The following TRPC5 variants were observed in gnomAD, a reference collection of about 807,000 sequenced individuals.
The protein encoded by TRPC5 is short transient receptor potential channel 5.
In TRPC5, 9 loss-of-function variants were observed where a neutral mutation model predicts 56.5. The ratio of observed to expected loss-of-function variants is 0.16; its 90% CI spans 0.10 to 0.28. TRPC5 has a LOEUF of 0.28. Among genes scored for constraint, TRPC5 ranks in the 10% least tolerant of loss-of-function variants. The probability of loss-of-function intolerance (pLI) is 1.00; values close to 1 mark genes in which losing one functional copy is unlikely to be tolerated. For missense variants in TRPC5, 469 were observed against 748.9 expected, an observed-to-expected ratio of 0.63 and a Z score of 4.36; for synonymous variants, 282 against 278.5, an observed-to-expected ratio of 1.01 and a Z score of -0.13.
At chrX:111,912,166 G>C (rs1925838597) in intron 3 of TRPC5, 125 bp downstream of exon 3, 5 of 798,397 alleles carry the variant, frequency 6.3e-6, no homozygotes, top group Admixed American at 3.2e-5. Context: ...GGGCCTAGCT[G>C]TGAGGCCTGC....
chrX:111,840,157 G>A (rs1023999179), intron 6 of TRPC5, among the ~76,000 whole-genome samples: 3 of 112,201 alleles, frequency 2.7e-5, no homozygotes, highest in Non-Finnish European at 5.6e-5. Flanking sequence ...GTGACAGAGC[G>A]AGACTCCGTC....
chrX:111,973,438 G>A (rs936480379), intron 1 of TRPC5, among the ~76,000 whole-genome samples: 1 of 112,146 alleles, frequency 8.9e-6, no homozygotes, highest in African/African-American at 3.2e-5. Flanking sequence ...GGAATTCTGA[G>A]AATAATATTT....
rs1251036427 is a variant in TRPC5, at chrX:111,967,466, C to T, written c.-21-15025G>A. On this transcript the variant is annotated intron_variant, in intron 1 of 10. Transcript: ENST00000262839. Reference sequence around the variant, plus strand: ...GCTACCAATGACTTTCTTCACAGAACTGGAAAAAAACTACTTTAAAGTTCA... The same window carrying T: ...GCTACCAATGACTTTCTTCACAGAATTGGAAAAAAACTACTTTAAAGTTCA... Among the ~76,000 whole-genome samples, 6 of 111,501 alleles carry T rather than the reference C, an allele frequency of 5.4e-5. No homozygotes were observed. In the East Asian group the frequency reaches 8.4e-4, roughly 16 times the overall value.
chrX:112,006,646 T>C (rs113843061), intron 1 of TRPC5, among the ~76,000 whole-genome samples: 10,047 of 111,165 alleles, frequency 0.09, 732 homozygotes, highest in African/African-American at 0.25. Context: ...CATTCTGGAA[T>C]GAGTAGAATT....
At chrX:112,051,721 G>A (rs1602413443) in intron 1 of TRPC5, among the ~76,000 whole-genome samples, 2 of 112,141 alleles carry the variant, frequency 1.8e-5, no homozygotes, top group Middle Eastern at 9.3e-3. Context: ...TGTGCAATCA[G>A]TCTCTAGAAC....
intron 1 of TRPC5, among the ~76,000 whole-genome samples, chrX:112,048,316 G>A (rs1377868409): frequency 9.6e-6 from 1 of 104,439 alleles, no homozygotes; most frequent in Non-Finnish European, 1.9e-5. Flanking sequence ...CAGGAGAATC[G>A]CTTGAACCTG....
chrX:112,044,955 G>A (rs1022322579), intron 1 of TRPC5, among the ~76,000 whole-genome samples: 43 of 112,383 alleles, frequency 3.8e-4, no homozygotes, highest in African/African-American at 1.3e-3. Context: ...CTCACAGCAT[G>A]TAACTTCTTA....
At chrX:111,811,598 G>C (rs369242082) in intron 7 of TRPC5, among the ~76,000 whole-genome samples, 20 of 111,572 alleles carry the variant, frequency 1.8e-4, no homozygotes, top group South Asian at 3.8e-4. Flanking sequence ...GAGGTTTTGG[G>C]GGGGAGTCAA....
chrX:111,854,152 A>G (rs760809919), intron 3 of TRPC5, 46 bp from the exon 4 acceptor site: 4 of 1,127,533 alleles, frequency 3.5e-6, no homozygotes, highest in Non-Finnish European at 4.8e-6. Context: ...TGTCCAGGAG[A>G]AAGTCTACTG....
At chrX:112,077,263 C>A (rs1260227942) in intron 1 of TRPC5, among the ~76,000 whole-genome samples, 1 of 111,726 alleles carries the variant, frequency 9.0e-6, no homozygotes, top group East Asian at 2.8e-4. Flanking sequence ...ATCTCACTCC[C>A]TTTACATGAA....
intron 2 of TRPC5, among the ~76,000 whole-genome samples, chrX:111,922,167 T>G (rs1926143169): frequency 8.9e-6 from 1 of 111,884 alleles, no homozygotes; most frequent in African/African-American, 3.2e-5. Context: ...CTAATTGGAG[T>G]TTTTCTGAAC....
rs1208691039 is a variant in TRPC5 at position 111,783,673 on chromosome X, A to G, written c.1897-1535T>C. 2.1e-4 allele frequency among the ~76,000 whole-genome samples: 23 copies of G among 110,829 alleles called. No individual in the cohort carries two copies. The Admixed American group carries it at 2.2e-3, about 11-fold the overall frequency. The stretch of plus-strand genomic sequence containing the variant: ...TCTAGATACAATCCCTTTGTTAGAT[A>G]TATGGCTTGCAAATATTTTCTTCCA... On this transcript the variant is annotated intron_variant, in intron 7 of 10. Coordinates refer to ENST00000262839, the MANE Select transcript of TRPC5 (RefSeq NM_012471.3).
intron 2 of TRPC5, among the ~76,000 whole-genome samples, chrX:111,914,917 G>A (rs1250777046): frequency 1.8e-5 from 2 of 111,395 alleles, no homozygotes; most frequent in Non-Finnish European, 3.8e-5. Flanking sequence ...CCTTTCTCCA[G>A]GCAGAGGCAT....
At chrX:111,914,357 G>T (rs1925912331) in intron 2 of TRPC5, among the ~76,000 whole-genome samples, 1 of 111,370 alleles carries the variant, frequency 9.0e-6, no homozygotes, top group African/African-American at 3.3e-5. Context: ...TTAATCAATA[G>T]GTTCTTTTTA....
At chrX:111,932,909 C>G (rs1926458381) in intron 2 of TRPC5, among the ~76,000 whole-genome samples, 1 of 111,809 alleles carries the variant, frequency 8.9e-6, no homozygotes, top group Non-Finnish European at 1.9e-5. Flanking sequence ...ACTTTTCACT[C>G]CAGTACCCAC....
intron 1 of TRPC5, among the ~76,000 whole-genome samples, chrX:111,970,616 A>G: frequency 9.0e-6 from 1 of 111,720 alleles, no homozygotes; most frequent in African/African-American, 3.3e-5. Context: ...AAAATGAAAG[A>G]GAAAAACTTA....
chrX:111,950,830 TGAC>T (rs1429485375), intron 2 of TRPC5, among the ~76,000 whole-genome samples: 1 of 112,245 alleles, frequency 8.9e-6, no homozygotes, highest in African/African-American at 3.2e-5. Context: ...CTCAAACATC[TGAC>T]TTTTCTTTGA....
intron 3 of TRPC5, among the ~76,000 whole-genome samples, chrX:111,894,041 A>G (rs1050476664): frequency 6.3e-5 from 7 of 111,575 alleles, no homozygotes; most frequent in African/African-American, 2.3e-4. Flanking sequence ...GAATGCATGT[A>G]TCCAAATGGT....
At chrX:112,023,763 A>T (rs184207404) in intron 1 of TRPC5, among the ~76,000 whole-genome samples, 56 of 111,507 alleles carry the variant, frequency 5.0e-4, no homozygotes, top group Non-Finnish European at 1.9e-5. Flanking sequence ...ATCTGCCTCC[A>T]TTTACAGCTA....
Sources: allele counts gnomAD v4.1 joint callset (sites outside exome capture counted in the v4.1 genomes callset), GRCh38; gene constraint gnomAD v4.1.1; transcripts MANE v1.5; gene names NCBI Gene and HGNC (gene_info 2026-07-23, HGNC 2026-07-21).